The following NFX1 variants were observed in gnomAD, a reference collection of about 807,000 sequenced individuals.
The protein encoded by NFX1 is nuclear transcription factor, X-box binding 1, also known as transcriptional repressor NF-X1.
A neutral mutation model predicts 137.2 loss-of-function variants in NFX1; 69 were observed. That is an observed-to-expected ratio of 0.50 (90% CI 0.41 to 0.61). The LOEUF (loss-of-function observed/expected upper bound fraction) is 0.61. NFX1 is among the 20% of genes least tolerant of loss of function. The pLI, the probability that NFX1 is intolerant of heterozygous loss-of-function variation, is 0.00. For synonymous variants in NFX1, 495 were observed against 474.1 expected (o/e 1.04, Z -0.57); for missense variants, 1,167 against 1,391.0 (o/e 0.84, Z 2.56).
At chr9:33,342,532 CACA>C (rs1377250424) in intron 12 of NFX1, among the ~76,000 whole-genome samples, 1 of 152,206 alleles carries the variant, frequency 6.6e-6, no homozygotes, top group Non-Finnish European at 1.5e-5. Flanking sequence ...GTCCCATATA[CACA>C]ACATCCAGTT....
Position 33,359,937 on chromosome 9 carries a change from A to G in NFX1, c.2874-4073A>G, listed in dbSNP as rs182696961. ...TATTTTACCTTGAAGTTTGACTTTC[A>G]GCAATTTTAATAGTACCTCTTTACA... On this transcript the variant is annotated intron_variant, in intron 19 of 23. Coordinates refer to ENST00000379540, the MANE Select transcript of NFX1 (RefSeq NM_002504.6). Among the ~76,000 whole-genome samples the G allele has an allele frequency of 7.9e-5, 12 of 152,348 alleles. No homozygotes were observed. The East Asian group carries it at 2.3e-3, about 29-fold the overall frequency.
chr9:33,301,027 A>C (rs1396861179), intron 2 of NFX1, among the ~76,000 whole-genome samples: 1 of 152,178 alleles, frequency 6.6e-6, no homozygotes, highest in Admixed American at 6.5e-5. Context: ...ATGTTTCCTT[A>C]ATTGTGGGAA....
chr9:33,313,778 A>C lies in NFX1; in HGVS notation c.1573A>C (p.Ile525Leu), dbSNP rs1346909792. The C allele has an allele frequency of 6.2e-7, 1 of 1,613,988 alleles. No homozygotes were observed. Among genetic ancestry groups the C allele is most frequent in the Non-Finnish European group, 8.5e-7 (1 of 1,179,966 alleles). Reference sequence around the variant, plus strand: ...TGGGGGTCAGTGCCAGCCTTGCCAGATCATTTTGAACCAGGGTAAGTGGTG... The same window carrying C: ...TGGGGGTCAGTGCCAGCCTTGCCAGCTCATTTTGAACCAGGGTAAGTGGTG... Reference protein sequence around the residue: ...CHGGQCQPCQIILNQVCYCGS... With the variant: ...CHGGQCQPCQLILNQVCYCGS... The change falls in exon 7 of 24, where the codon ATC (isoleucine) becomes CTC (leucine). Residue 525 changes from isoleucine to leucine, a missense_variant. Physicochemically the swap from Ile to Leu is conservative, Grantham distance 5. Coordinates refer to ENST00000379540, the MANE Select transcript of NFX1 (RefSeq NM_002504.6).
At chr9:33,341,407 A>C (rs1823215416) in intron 12 of NFX1, among the ~76,000 whole-genome samples, 1 of 152,186 alleles carries the variant, frequency 6.6e-6, no homozygotes, top group Admixed American at 6.5e-5. Flanking sequence ...CCTTCCTACA[A>C]CATGTGGGAA....
chr9:33,291,367 T>C (rs1821154321), intron 1 of NFX1, among the ~76,000 whole-genome samples: 1 of 152,222 alleles, frequency 6.6e-6, no homozygotes, highest in South Asian at 2.1e-4. Context: ...GGTTGGTTTG[T>C]TTTACAATCA....
At chr9:33,349,400 G>T (rs1263395178) in intron 15 of NFX1, among the ~76,000 whole-genome samples, 1 of 152,220 alleles carries the variant, frequency 6.6e-6, no homozygotes, top group African/African-American at 2.4e-5. Context: ...ACAGGGCAGA[G>T]CATGGGCAAA....
Position 33,365,126 on chromosome 9 carries a change from T to C in NFX1, c.3039+352T>C, listed in dbSNP as rs144790876. 4.6e-3 allele frequency: 1,547 copies of C among 337,638 alleles called. 22 individuals are homozygous for C. The highest frequency in any genetic ancestry group is 0.033 in the African/African-American group (1,472 of 44,824). 20.9% of individuals were successfully genotyped at this position (337,638 alleles called of 1,614,324 possible). On this transcript the variant is annotated intron_variant, in intron 21 of 23. Coordinates refer to ENST00000379540, the MANE Select transcript of NFX1 (RefSeq NM_002504.6). ...CTGTCTCTACTAAAAATATAAAAAT[T>C]AGCTGGGTGTGGTGGCGGGCACCTG... is the stretch of plus-strand genomic sequence containing the variant.
chr9:33,296,353 C>T (rs1171482520), intron 2 of NFX1, among the ~76,000 whole-genome samples: 1 of 152,122 alleles, frequency 6.6e-6, no homozygotes, highest in Non-Finnish European at 1.5e-5. Context: ...ACTTTTTTGT[C>T]TTTGCATGGT....
chr9:33,304,269 T>A (rs1821676887), intron 4 of NFX1, among the ~76,000 whole-genome samples: 1 of 152,054 alleles, frequency 6.6e-6, no homozygotes, highest in South Asian at 2.1e-4. Flanking sequence ...CTCAAAAAAA[T>A]AAATAAATAA....
At chr9:33,362,878 G>T (rs1313679299) in intron 19 of NFX1, among the ~76,000 whole-genome samples, 1 of 151,670 alleles carries the variant, frequency 6.6e-6, no homozygotes, top group Non-Finnish European at 1.5e-5. Context: ...TAATTTTTGT[G>T]TTTTTAGTAG....
intron 21 of NFX1, 88 bp from the exon 22 acceptor site, chr9:33,366,541 C>G: frequency 7.4e-6 from 11 of 1,486,916 alleles, no homozygotes; most frequent in Non-Finnish European, 9.2e-6. Context: ...TCTTATTGAT[C>G]CCTGCAATTC....
chr9:33,353,951 A>C (rs941469488), intron 17 of NFX1, 135 bp from the exon 18 acceptor site: 72 of 714,626 alleles, frequency 1.0e-4, no homozygotes, highest in Non-Finnish European at 1.6e-4. Flanking sequence ...TGGTTTCCCA[A>C]AGTGCTGGGC....
chr9:33,316,169 A>G (rs1822155898), intron 7 of NFX1, among the ~76,000 whole-genome samples: 1 of 152,184 alleles, frequency 6.6e-6, no homozygotes, highest in Non-Finnish European at 1.5e-5. Context: ...AAAATGGGAT[A>G]ATATGTTCCA....
intron 7 of NFX1, among the ~76,000 whole-genome samples, chr9:33,316,827 G>A (rs1822180529): frequency 6.6e-6 from 1 of 152,076 alleles, no homozygotes; most frequent in Non-Finnish European, 1.5e-5. Flanking sequence ...TCGTGCCTAG[G>A]AGAGCTTTTT....
At chr9:33,327,467 C>T (rs1408016306) in intron 9 of NFX1, among the ~76,000 whole-genome samples, 1 of 152,172 alleles carries the variant, frequency 6.6e-6, no homozygotes, top group African/African-American at 2.4e-5. Context: ...CAGGTTCAAG[C>T]GATTCTCCTG....
chr9:33,302,301 T>C (rs1054993211), intron 3 of NFX1, among the ~76,000 whole-genome samples: 5 of 151,808 alleles, frequency 3.3e-5, no homozygotes, highest in African/African-American at 1.2e-4. Flanking sequence ...ATATAATAAA[T>C]TGTTGTTAGC....
intron 14 of NFX1, among the ~76,000 whole-genome samples, chr9:33,345,704 G>C (rs551664465): frequency 6.6e-6 from 1 of 152,126 alleles, no homozygotes; most frequent in Admixed American, 6.5e-5. Flanking sequence ...CCCCTTGTAA[G>C]TATTTTTTTA....
chr9:33,321,435 A>G (rs577069670), intron 9 of NFX1, among the ~76,000 whole-genome samples: 3 of 152,296 alleles, frequency 2.0e-5, no homozygotes, highest in East Asian at 1.9e-4. Flanking sequence ...GGTCTTTTGT[A>G]TCTCACTCAG....
At chr9:33,328,193 C>CT (rs35183496) in intron 9 of NFX1, among the ~76,000 whole-genome samples, 127 of 140,144 alleles carry the variant, frequency 9.1e-4, no homozygotes, top group Non-Finnish European at 8.8e-4. Context: ...TGTTTTTGTG[C>CT]TTTTTTTTTT....
Sources: allele counts gnomAD v4.1 joint callset (sites outside exome capture counted in the v4.1 genomes callset), GRCh38; gene constraint gnomAD v4.1.1; transcripts MANE v1.5; gene names NCBI Gene and HGNC (gene_info 2026-07-23, HGNC 2026-07-21).